The following RBM26 variants were observed in gnomAD, a reference collection of about 807,000 sequenced individuals.
RBM26 encodes RNA binding motif protein 26.
A neutral mutation model predicts 123.6 loss-of-function variants in RBM26; 30 were observed. That is an observed-to-expected ratio of 0.24 (90% CI 0.18 to 0.33). The LOEUF (loss-of-function observed/expected upper bound fraction) is 0.33. RBM26 is among the 10% of genes least tolerant of loss of function. RBM26 has a pLI of 1.00. For missense variants in RBM26, 947 were observed against 1,203.6 expected (o/e 0.79, Z 3.15); for synonymous variants, 400 against 404.4 (o/e 0.99, Z 0.13).
At chr13:79,361,313 C>T (rs1222661035) in intron 9 of RBM26, among the ~76,000 whole-genome samples, 1 of 152,092 alleles carries the variant, frequency 6.6e-6, no homozygotes, top group African/African-American at 2.4e-5. Context: ...TTTCCCAGGA[C>T]ACTGATACCT....
intron 20 of RBM26, among the ~76,000 whole-genome samples, chr13:79,326,151 A>ATG (rs1184961261): frequency 6.6e-6 from 1 of 152,206 alleles, no homozygotes; most frequent in East Asian, 1.9e-4. Flanking sequence ...TATCCCTCTT[A>ATG]AGTGGCACAT....
At chr13:79,312,461 A>G (rs2066920795) in exon 5 of RBM26, 1 of 152,072 alleles carries the variant, frequency 6.6e-6, no homozygotes, top group Non-Finnish European at 1.5e-5. Flanking sequence ...CTACAATGCA[A>G]TAATACTTCT....
chr13:79,344,929 T>TA (rs1245768547), intron 14 of RBM26, 135 bp from the exon 15 acceptor site: 61 of 728,786 alleles, frequency 8.4e-5, no homozygotes, highest in Non-Finnish European at 1.1e-4. Flanking sequence ...ATTTTATACT[T>TA]ATAATAACGA....
intron 3 of RBM26, 132 bp from the exon 4 acceptor site, chr13:79,372,062 CG>C (rs1272424354): frequency 2.3e-5 from 14 of 620,272 alleles, no homozygotes; most frequent in Admixed American, 5.9e-5. Context: ...GGGTGGTTCA[CG>C]AAGTCGGAAG....
chr13:79,314,925 C>T (rs1327410862), downstream of RBM26: 1 of 1,196,184 alleles, frequency 8.4e-7, no homozygotes, highest in Non-Finnish European at 1.1e-6. Flanking sequence ...TAACAGTCGT[C>T]TCCAGACAGG....
Position 79,319,518 on chromosome 13 carries a change from C to T in RBM26, c.*1103G>A. ...TATAGGAAGTACACACTTAAAATAT[C>T]AGACTGGAACACTTACCAAACAGTG... On this transcript the variant is annotated 3_prime_UTR_variant, in exon 22 of 22. Coordinates refer to ENST00000438737, the MANE Select transcript of RBM26 (RefSeq NM_001366735.2). 1.0e-6 allele frequency: 1 copy of T among 984,014 alleles called. No individual in the cohort carries two copies. Among genetic ancestry groups the T allele is most frequent in the Non-Finnish European group, 1.2e-6 (1 of 828,900 alleles). The allele number at this position is 984,014 out of a possible 1,614,324, so 61.0% of individuals were successfully genotyped here. A position where few individuals can be genotyped will look rare whatever the true frequency, so the allele number is the denominator to read the frequency against.
At chr13:79,314,372 T>A (rs1490213542), downstream of RBM26, 1 of 151,770 alleles carries the variant, frequency 6.6e-6, no homozygotes, top group South Asian at 2.1e-4. Flanking sequence ...ATTTTCTTTG[T>A]TGGTTTTGAA....
chr13:79,372,819 A>ATATT (rs1464526383), intron 3 of RBM26, among the ~76,000 whole-genome samples: 1,300 of 90,018 alleles, frequency 0.014, 349 homozygotes, highest in African/African-American at 0.093. Flanking sequence ...ATATATTTAT[A>ATATT]ATAAATATTT....
intron 2 of RBM26, 74 bp from the exon 3 acceptor site, chr13:79,377,589 C>G: frequency 8.8e-7 from 1 of 1,140,368 alleles, no homozygotes; most frequent in Non-Finnish European, 1.3e-6. Context: ...CATCTCTTAT[C>G]TCTAATATGA....
intron 1 of RBM26, among the ~76,000 whole-genome samples, chr13:79,396,348 T>C (rs1311103855): frequency 1.3e-5 from 2 of 152,056 alleles, no homozygotes; most frequent in Non-Finnish European, 1.5e-5. Flanking sequence ...TTTAATAAGC[T>C]GAATAAAACT....
At chr13:79,379,002 G>A (rs1325211293) in intron 1 of RBM26, 95 bp from the exon 2 acceptor site, 2 of 777,278 alleles carry the variant, frequency 2.6e-6, no homozygotes, top group South Asian at 3.5e-5. Flanking sequence ...ATAGTTAAGT[G>A]AGTTAATACA....
At chr13:79,357,838 T>C (rs1038090295) in intron 11 of RBM26, among the ~76,000 whole-genome samples, 1 of 151,992 alleles carries the variant, frequency 6.6e-6, no homozygotes, top group African/African-American at 2.4e-5. Flanking sequence ...TCCTAAAAGG[T>C]AGAGTTCCAT....
chr13:79,364,956 C>T (rs1190582674), intron 9 of RBM26, among the ~76,000 whole-genome samples: 2 of 151,748 alleles, frequency 1.3e-5, no homozygotes, highest in Admixed American at 6.6e-5. Flanking sequence ...TAAAGCGTTA[C>T]TCTCAAGATT....
chr13:79,333,285 G>C (rs1297335692), intron 20 of RBM26, among the ~76,000 whole-genome samples: 1 of 152,058 alleles, frequency 6.6e-6, no homozygotes, highest in Non-Finnish European at 1.5e-5. Context: ...AACACCCTAA[G>C]ATCAGGAATT....
intron 1 of RBM26, among the ~76,000 whole-genome samples, chr13:79,403,533 A>C (rs369558169): frequency 2.6e-5 from 4 of 152,352 alleles, no homozygotes; most frequent in African/African-American, 9.6e-5. Context: ...AATCCAAAAC[A>C]TTTATAAGTT....
chr13:79,374,081 T>C (rs2076419298), intron 3 of RBM26, among the ~76,000 whole-genome samples: 1 of 152,080 alleles, frequency 6.6e-6, no homozygotes, highest in South Asian at 2.1e-4. Flanking sequence ...CCATAAGATA[T>C]TCTCATGCAG....
intron 13 of RBM26, among the ~76,000 whole-genome samples, chr13:79,353,692 C>T (rs890194449): frequency 6.6e-6 from 1 of 152,064 alleles, no homozygotes; most frequent in Admixed American, 6.5e-5. Flanking sequence ...CATGTCCTTG[C>T]AGAAATTCAG....
At chr13:79,341,881 A>G (rs1207217546) in intron 17 of RBM26, among the ~76,000 whole-genome samples, 1 of 151,840 alleles carries the variant, frequency 6.6e-6, no homozygotes, top group East Asian at 1.9e-4. Context: ...CAAAAGGGGG[A>G]AAAAAGTAAT....
chr13:79,320,069 TAC>T lies in RBM26; in HGVS notation c.*550_*551del. ...CATAAGGACTCATGTAAAGCAGTCA[TAC>T]ACCATTATCATTAAAACCCATATGG... On this transcript the variant is annotated 3_prime_UTR_variant, in exon 22 of 22. Coordinates refer to ENST00000438737, the MANE Select transcript of RBM26 (RefSeq NM_001366735.2). The T allele has an allele frequency of 1.0e-6, 1 of 976,544 alleles. No homozygotes were observed. Among genetic ancestry groups the T allele is most frequent in the Non-Finnish European group, 1.2e-6 (1 of 824,682 alleles). 60.5% of individuals were successfully genotyped at this position (976,544 alleles called of 1,614,324 possible). A position where few individuals can be genotyped will look rare whatever the true frequency, so the allele number is the denominator to read the frequency against.
Sources: gnomAD v4.1 joint callset for allele counts (sites outside exome capture counted in the v4.1 genomes callset) on GRCh38, gnomAD v4.1.1 for gene constraint, MANE v1.5 for transcripts, NCBI Gene and HGNC (gene_info 2026-07-23, HGNC 2026-07-21) for gene names.